Variants in COL21A1 observed in about 807,000 individuals in gnomAD.
COL21A1 encodes collagen type XXI alpha 1 chain.
COL21A1 carries 149 observed loss-of-function variants against 137.9 expected under a neutral mutation model. That is an observed-to-expected ratio of 1.08 (90% CI 0.95 to 1.24). The LOEUF (loss-of-function observed/expected upper bound fraction) is 1.24, where lower values mean the gene tolerates loss of function less well. Among genes scored for constraint, COL21A1 ranks in the 50% most tolerant of loss-of-function variants. The probability of loss-of-function intolerance (pLI) is 0.00; values close to 1 mark genes in which losing one functional copy is unlikely to be tolerated. For missense variants in COL21A1, 1,167 were observed against 1,158.4 expected, an observed-to-expected ratio of 1.01 and a Z score of -0.11; for synonymous variants, 456 against 391.5, an observed-to-expected ratio of 1.16 and a Z score of -1.95.
chr6:56,060,928 G>C lies in COL21A1; in HGVS notation c.2315C>G (p.Pro772Arg). The change falls in exon 26 of 30, where the codon CCA (proline) becomes CGA (arginine). Residue 772 changes from proline to arginine, a missense_variant. Pro to Arg is a moderately radical substitution (Grantham distance 103). Transcript: ENST00000244728. Reference protein sequence around the residue: ...PAGPKGQPGDPGPQGPPGLDG... With the variant: ...PAGPKGQPGDRGPQGPPGLDG... ...CAAACCTGGGGGTCCCTGAGGACCT[G>C]GATCCCCAGGTTGCCCCTTAGGACC... 1 of 1,580,040 alleles carries C rather than the reference G, an allele frequency of 6.3e-7. No individual in the cohort carries two copies. Among genetic ancestry groups the C allele is most frequent in the Non-Finnish European group, 8.6e-7 (1 of 1,168,608 alleles).
intron 1 of COL21A1, among the ~76,000 whole-genome samples, chr6:56,238,688 C>T (rs749451290): frequency 6.6e-6 from 1 of 152,114 alleles, no homozygotes; most frequent in Non-Finnish European, 1.5e-5. Context: ...CTTTCTCCTG[C>T]ATTCTCAGTT....
intron 1 of COL21A1, among the ~76,000 whole-genome samples, chr6:56,242,918 C>A (rs1158282491): frequency 6.6e-6 from 1 of 152,150 alleles, no homozygotes; most frequent in Non-Finnish European, 1.5e-5. Flanking sequence ...GATTGTGCGT[C>A]TCTTTGTCAA....
In COL21A1 at chr6:56,070,000, T is replaced by C. The variant is rs546208194; in HGVS notation, c.2019+745A>G. On this transcript the variant is annotated intron_variant, in intron 21 of 29. Coordinates refer to ENST00000244728, the MANE Select transcript of COL21A1 (RefSeq NM_030820.4). ...TCCAGTTCTCCACTCTCCATCATCCTATAGGAATTGTCCTTTCTGAAATAA... is the reference window on the plus strand; with the variant it reads ...TCCAGTTCTCCACTCTCCATCATCCCATAGGAATTGTCCTTTCTGAAATAA... 2.6e-5 allele frequency among the ~76,000 whole-genome samples: 4 copies of C among 151,686 alleles called. No individual in the cohort carries two copies. The South Asian group carries it at 8.3e-4, about 31-fold the overall frequency.
At chr6:56,226,267 A>G (rs1240180532) in intron 1 of COL21A1, among the ~76,000 whole-genome samples, 1 of 152,040 alleles carries the variant, frequency 6.6e-6, no homozygotes, top group African/African-American at 2.4e-5. Flanking sequence ...TCACCTGGAA[A>G]TATAGGAATG....
At chr6:56,214,007 A>AT (rs1269428558) in intron 1 of COL21A1, among the ~76,000 whole-genome samples, 1 of 152,128 alleles carries the variant, frequency 6.6e-6, no homozygotes, top group African/African-American at 2.4e-5. Flanking sequence ...AATAGGAAAG[A>AT]TTTTATGCTA....
intron 17 of COL21A1, among the ~76,000 whole-genome samples, chr6:56,096,566 A>C (rs1241160461): frequency 6.6e-6 from 1 of 152,238 alleles, no homozygotes; most frequent in Non-Finnish European, 1.5e-5. Flanking sequence ...TTTCAAATTC[A>C]AAGTACTGAC....
intron 16 of COL21A1, among the ~76,000 whole-genome samples, chr6:56,110,214 A>G (rs1771299339): frequency 6.6e-6 from 1 of 151,342 alleles, no homozygotes; most frequent in Non-Finnish European, 1.5e-5. Context: ...AGAAAATATG[A>G]GAGGAAAATT....
chr6:56,279,680 G>A (rs151260520), intron 1 of COL21A1, among the ~76,000 whole-genome samples: 7 of 152,322 alleles, frequency 4.6e-5, no homozygotes, highest in African/African-American at 1.7e-4. Context: ...AAAATCAAGT[G>A]AGGTGCTTAA....
At chr6:56,194,831 G>T (rs1778919692) in intron 1 of COL21A1, among the ~76,000 whole-genome samples, 2 of 65,172 alleles carry the variant, frequency 3.1e-5, no homozygotes, top group South Asian at 5.4e-4. Context: ...TTGAATGTTT[G>T]TCCCCTCAAA....
intron 3 of COL21A1, among the ~76,000 whole-genome samples, chr6:56,173,172 C>T (rs143518724): frequency 5.0e-4 from 76 of 151,986 alleles, no homozygotes; most frequent in African/African-American, 1.8e-3. Flanking sequence ...GGCAACATGG[C>T]AAAACCCCAT....
At chr6:56,357,632 A>G (rs1411887997) in intron 1 of COL21A1, among the ~76,000 whole-genome samples, 2 of 152,210 alleles carry the variant, frequency 1.3e-5, no homozygotes, top group Non-Finnish European at 2.9e-5. Flanking sequence ...TGTTGATGTT[A>G]TTTTTGTAAT....
intron 1 of COL21A1, among the ~76,000 whole-genome samples, chr6:56,265,419 C>A (rs566081327): frequency 1.3e-5 from 2 of 152,214 alleles, no homozygotes; most frequent in African/African-American, 2.4e-5. Flanking sequence ...CCAGGGGCTA[C>A]AACAGAGCCA....
At chr6:56,333,541 C>T (rs1242450150) in intron 1 of COL21A1, among the ~76,000 whole-genome samples, 1 of 151,936 alleles carries the variant, frequency 6.6e-6, no homozygotes, top group Non-Finnish European at 1.5e-5. Context: ...ACTTGATGTA[C>T]ATTGGGGTTG....
At chr6:56,113,501 T>C (rs1028366985) in intron 16 of COL21A1, among the ~76,000 whole-genome samples, 10 of 152,150 alleles carry the variant, frequency 6.6e-5, no homozygotes, top group African/African-American at 2.4e-4. Flanking sequence ...AAGGATGCAG[T>C]CCTGCCAGCA....
chr6:56,179,043 TTGTC>T (rs139003923), intron 3 of COL21A1, among the ~76,000 whole-genome samples: 86,089 of 151,178 alleles, frequency 0.57, 24,676 homozygotes, highest in East Asian at 0.77. Context: ...CAGTAGGAAA[TTGTC>T]TGCTATCCTA....
rs548567986 is a variant in COL21A1, at chr6:56,070,830, T to A, written c.1966-32A>T. 9.8e-6 allele frequency: 15 copies of A among 1,525,026 alleles called. No homozygotes were observed. The South Asian group carries it at 1.7e-4, about 17-fold the overall frequency. The allele number at this position is 1,525,026 out of a possible 1,614,324, so 94.5% of individuals were successfully genotyped here. ...ACACATCAAAAACATTGGAGTTTTT[T>A]AAAAACAATTCTGTCATAATATATC... On this transcript the variant is annotated intron_variant, in intron 20 of 29. Coordinates refer to ENST00000244728, the MANE Select transcript of COL21A1 (RefSeq NM_030820.4).
chr6:56,363,225 C>T (rs1359768609), intron 1 of COL21A1, among the ~76,000 whole-genome samples: 3 of 152,216 alleles, frequency 2.0e-5, no homozygotes, highest in African/African-American at 7.2e-5. Flanking sequence ...AGGCTTAGGC[C>T]TCGTTCTCCT....
intron 7 of COL21A1, chr6:56,166,685 C>A: frequency 1.6e-6 from 1 of 632,118 alleles, no homozygotes; most frequent in Admixed American, 2.5e-5. Flanking sequence ...AAAACATTCC[C>A]TTGTGGTCTT....
chr6:56,172,677 T>G (rs1235906821), intron 3 of COL21A1, among the ~76,000 whole-genome samples: 1 of 152,150 alleles, frequency 6.6e-6, no homozygotes, highest in Admixed American at 6.5e-5. Flanking sequence ...TTAATTCTGG[T>G]GTAAAAGTTA....
Sources: gnomAD v4.1 joint callset for allele counts (sites outside exome capture counted in the v4.1 genomes callset) on GRCh38, gnomAD v4.1.1 for gene constraint, MANE v1.5 for transcripts, NCBI Gene and HGNC (gene_info 2026-07-23, HGNC 2026-07-21) for gene names.